Variants in NELL1 observed in about 807,000 individuals in gnomAD.
The protein encoded by NELL1 is neural EGFL like 1, also known as protein kinase C-binding protein NELL1.
In NELL1, 76 loss-of-function variants were observed where a neutral mutation model predicts 107.4. The observed-to-expected ratio is 0.71, with a 90% CI of 0.59 to 0.86. The LOEUF is 0.86. Among genes scored for constraint, NELL1 ranks in the 40% least tolerant of loss-of-function variants. NELL1 has a pLI of 0.00. For missense variants in NELL1, 1,024 were observed against 1,005.5 expected (o/e 1.02, Z -0.25); for synonymous variants, 353 against 341.2 (o/e 1.03, Z -0.38).
intron 2 of NELL1, among the ~76,000 whole-genome samples, chr11:20,777,062 T>A (rs1856764832): frequency 6.6e-6 from 1 of 152,220 alleles, no homozygotes; most frequent in Non-Finnish European, 1.5e-5. Context: ...TGATTTACCC[T>A]TGATTTATAT....
At chr11:20,908,378 A>G (rs1044119567) in intron 5 of NELL1, among the ~76,000 whole-genome samples, 9 of 152,208 alleles carry the variant, frequency 5.9e-5, no homozygotes, top group African/African-American at 1.9e-4. Context: ...CACAGCCATA[A>G]AAAGGGACAT....
chr11:21,493,779 C>T (rs80267221), intron 15 of NELL1, among the ~76,000 whole-genome samples: 3 of 151,954 alleles, frequency 2.0e-5, no homozygotes, highest in Non-Finnish European at 2.9e-5. Context: ...AAAGAAATGA[C>T]AAATAGTGTA....
At chr11:20,792,897 AT>A (rs1199641192) in intron 3 of NELL1, among the ~76,000 whole-genome samples, 9 of 151,920 alleles carry the variant, frequency 5.9e-5, no homozygotes, top group African/African-American at 2.2e-4. Context: ...GATGCCATAG[AT>A]TTTTCTGTGT....
At chr11:21,181,928 T>C (rs902721690) in intron 13 of NELL1, among the ~76,000 whole-genome samples, 8 of 152,076 alleles carry the variant, frequency 5.3e-5, no homozygotes, top group Non-Finnish European at 8.8e-5. Flanking sequence ...TTCTGTAGAT[T>C]TGGCATTATT....
intron 13 of NELL1, among the ~76,000 whole-genome samples, chr11:21,185,814 T>C (rs1856923954): frequency 6.6e-6 from 1 of 151,872 alleles, no homozygotes; most frequent in Non-Finnish European, 1.5e-5. Flanking sequence ...TAAAATGGAT[T>C]GACTTTTAGC....
At chr11:20,793,766 A>C (rs901534716) in intron 3 of NELL1, among the ~76,000 whole-genome samples, 8 of 152,188 alleles carry the variant, frequency 5.3e-5, no homozygotes, top group Non-Finnish European at 8.8e-5. Flanking sequence ...AAGTGATTAA[A>C]TTAAAAATGC....
At chr11:21,483,990 C>CATATAT (rs781565679) in intron 15 of NELL1, among the ~76,000 whole-genome samples, 2,552 of 87,946 alleles carry the variant, frequency 0.029, 144 homozygotes, top group Non-Finnish European at 0.033. Flanking sequence ...TTTTACTTAA[C>CATATAT]ATATATATAT....
intron 12 of NELL1, among the ~76,000 whole-genome samples, chr11:21,019,135 T>C (rs1390976697): frequency 2.6e-5 from 4 of 152,136 alleles, no homozygotes; most frequent in Non-Finnish European, 5.9e-5. Context: ...GACAAATACT[T>C]AACCTTTCTG....
In NELL1 at chr11:21,112,110, T is replaced by G. The variant is rs79229096; in HGVS notation, c.1301-1479T>G. ...GTTCCCCAGGAAGCAACCTCTGTGG[T>G]TGGCCTGCAGGAAGTTGATTGCCTG... On this transcript the variant is annotated intron_variant, in intron 12 of 19. Transcript: ENST00000357134. Among the ~76,000 whole-genome samples the G allele has an allele frequency of 1.6e-3, 239 of 152,214 alleles. 5 individuals are homozygous for G. In the East Asian group the frequency reaches 0.04, roughly 25 times the overall value.
intron 14 of NELL1, among the ~76,000 whole-genome samples, chr11:21,240,679 G>T (rs1858331029): frequency 6.9e-6 from 1 of 144,260 alleles, no homozygotes; most frequent in South Asian, 2.2e-4. Flanking sequence ...ACAATATATG[G>T]ATTGCGTTCT....
chr11:21,155,916 CAAGGA>C (rs2133792633), intron 13 of NELL1, among the ~76,000 whole-genome samples: 1 of 152,174 alleles, frequency 6.6e-6, no homozygotes, highest in East Asian at 1.9e-4. Flanking sequence ...GGCTGAAGAC[CAAGGA>C]AAGACTTGAA....
intron 14 of NELL1, among the ~76,000 whole-genome samples, chr11:21,289,585 A>G (rs1849204130): frequency 6.6e-6 from 1 of 152,200 alleles, no homozygotes; most frequent in South Asian, 2.1e-4. Context: ...ACTGGGTGGC[A>G]GTTTGGGCAG....
At chr11:20,709,933 A>G (rs763743384) in intron 2 of NELL1, among the ~76,000 whole-genome samples, 3 of 152,124 alleles carry the variant, frequency 2.0e-5, no homozygotes, top group Non-Finnish European at 2.9e-5. Context: ...CATTTGTCAG[A>G]TTTAGGAGCT....
chr11:21,403,285 T>G (rs903709066), intron 15 of NELL1, among the ~76,000 whole-genome samples: 1 of 151,718 alleles, frequency 6.6e-6, no homozygotes, highest in Non-Finnish European at 1.5e-5. Flanking sequence ...TGTCATATAG[T>G]CTACCTGTGT....
chr11:21,426,401 A>C (rs1324841321), intron 15 of NELL1, among the ~76,000 whole-genome samples: 1 of 152,234 alleles, frequency 6.6e-6, no homozygotes, highest in Non-Finnish European at 1.5e-5. Flanking sequence ...GAATGAATGC[A>C]TAATCATTAT....
chr11:21,538,186 TATC>T (rs745762292), intron 16 of NELL1, among the ~76,000 whole-genome samples: 2 of 152,160 alleles, frequency 1.3e-5, no homozygotes, highest in African/African-American at 4.8e-5. Flanking sequence ...TGGCATATGT[TATC>T]ATCTAAAATG....
intron 15 of NELL1, among the ~76,000 whole-genome samples, chr11:21,480,623 G>T (rs947658657): frequency 6.6e-6 from 1 of 152,118 alleles, no homozygotes; most frequent in Non-Finnish European, 1.5e-5. Context: ...AAAACTAACT[G>T]GATTTTTCTT....
chr11:21,351,829 C>T (rs1037830991), intron 14 of NELL1, among the ~76,000 whole-genome samples: 4 of 152,244 alleles, frequency 2.6e-5, no homozygotes, highest in East Asian at 1.9e-4. Flanking sequence ...TCAGAGAGAG[C>T]GTCTATTGAA....
intron 12 of NELL1, among the ~76,000 whole-genome samples, chr11:21,024,861 C>T (rs1037637637): frequency 2.0e-5 from 3 of 152,218 alleles, no homozygotes; most frequent in South Asian, 2.1e-4. Context: ...AACTTTTCTT[C>T]CTGTCTTGTG....
Sources: allele counts gnomAD v4.1 joint callset (sites outside exome capture counted in the v4.1 genomes callset), GRCh38; gene constraint gnomAD v4.1.1; transcripts MANE v1.5; gene names NCBI Gene and HGNC (gene_info 2026-07-23, HGNC 2026-07-21).